The following PSMA2 variants were observed in gnomAD, a reference collection of about 807,000 sequenced individuals.
PSMA2 encodes proteasome 20S subunit alpha 2, also known as proteasome subunit alpha type-2.
Under a neutral mutation model 35.9 loss-of-function variants are expected in PSMA2, and 2 were observed. That is an observed-to-expected ratio of 0.06 (90% CI 0.02 to 0.18). The LOEUF is 0.18. Ranked by LOEUF, PSMA2 falls within the 10% of genes least tolerant of loss-of-function variation. The pLI, the probability that PSMA2 is intolerant of heterozygous loss-of-function variation, is 1.00. For missense variants in PSMA2, 126 were observed against 278.8 expected (o/e 0.45, Z 3.90); for synonymous variants, 97 against 98.2 (o/e 0.99, Z 0.07).
intron 5 of PSMA2, among the ~76,000 whole-genome samples, 198 bp downstream of exon 5, chr7:42,923,127 A>G (rs1430120793): frequency 6.6e-6 from 1 of 151,540 alleles, no homozygotes; most frequent in Admixed American, 6.6e-5. Context: ...GGGTAGAACT[A>G]ATACAGCTTC....
chr7:42,930,953 A>C (rs189508589), intron 1 of PSMA2: 21 of 266,534 alleles, frequency 7.9e-5, no homozygotes, highest in Non-Finnish European at 1.5e-4. Context: ...AAGGTTACAA[A>C]AAAACTATTA....
intron 6 of PSMA2, chr7:42,919,044 G>A (rs373177846): frequency 1.9e-5 from 5 of 267,220 alleles, no homozygotes; most frequent in African/African-American, 1.1e-4. Context: ...AGCTGGTCTC[G>A]AACTTCTGAC....
intron 2 of PSMA2, 105 bp from the exon 3 acceptor site, chr7:42,926,773 A>G: frequency 7.8e-7 from 1 of 1,274,496 alleles, no homozygotes; most frequent in Non-Finnish European, 1.0e-6. Flanking sequence ...ATTTCCTTTA[A>G]TTTATAAAAC....
chr7:42,919,705 C>T, intron 6 of PSMA2: 1 of 566,440 alleles, frequency 1.8e-6, no homozygotes, highest in South Asian at 1.7e-5. Flanking sequence ...TAAATCCTTT[C>T]AAGCTCCTGC....
chr7:42,917,739 G>C (rs376487631), intron 7 of PSMA2, 39 bp downstream of exon 7: 58 of 1,609,724 alleles, frequency 3.6e-5, no homozygotes, highest in Middle Eastern at 3.3e-4. Context: ...AGTTAATCAT[G>C]AAATCATTAT....
chr7:42,917,742 A>G (rs1786054555), intron 7 of PSMA2, 36 bp downstream of exon 7: 1 of 1,610,446 alleles, frequency 6.2e-7, no homozygotes, highest in Middle Eastern at 1.7e-4. Flanking sequence ...TAATCATGAA[A>G]TCATTATAAA....
chr7:42,917,797 G>A lies in PSMA2; in HGVS notation c.569C>T (p.Thr190Ile), dbSNP rs766500954. The A allele has an allele frequency of 3.7e-6, 6 of 1,609,426 alleles. No homozygotes were observed. The highest frequency in any genetic ancestry group is 5.1e-6 in the Non-Finnish European group (6 of 1,176,946). Residue 190 changes from threonine to isoleucine, a missense_variant, in exon 7 of 8, where the codon ACA becomes ATA. By Grantham distance (89) the Thr-to-Ile change is moderately conservative. Transcript: ENST00000223321. ...GCTAACCTTTAGGGTTAAGATGGCTGTATGAATGGCATCTTCAAGTTCCAG... is the reference window on the plus strand; with the variant it reads ...GCTAACCTTTAGGGTTAAGATGGCTATATGAATGGCATCTTCAAGTTCCAG... ...EDLELEDAIH[T>I]AILTLKESFE...
In PSMA2 at chr7:42,916,944, C is replaced by T. The variant is rs571265393; in HGVS notation, c.*630G>A. ...AAAAGTCTAACAAAATCTAAGAACC[C>T]GGGTTCCTTTAAACATGTTTACCTA... is the stretch of plus-strand genomic sequence containing the variant. On this transcript the variant is annotated 3_prime_UTR_variant, in exon 8 of 8. Coordinates refer to ENST00000223321, the MANE Select transcript of PSMA2 (RefSeq NM_002787.5). 1.2e-4 allele frequency: 19 copies of T among 152,268 alleles called. No homozygotes were observed. Among genetic ancestry groups the T allele is most frequent in the South Asian group, 4.1e-4 (2 of 4,826 alleles). The allele number at this position is 152,268 out of a possible 1,614,324, so 9.4% of individuals were successfully genotyped here.
intron 4 of PSMA2, 43 bp downstream of exon 4, chr7:42,924,632 C>T (rs761684191): frequency 6.3e-7 from 1 of 1,579,284 alleles, no homozygotes. Context: ...AATAACTTCC[C>T]CCTACAATTC....
chr7:42,930,621 T>G (rs564117408), intron 1 of PSMA2, among the ~76,000 whole-genome samples: 1 of 152,248 alleles, frequency 6.6e-6, no homozygotes, highest in South Asian at 2.1e-4. Context: ...GGTTGTTTTA[T>G]GTTTTCAGCT....
At chr7:42,920,206 A>G (rs1420654164) in intron 6 of PSMA2, 2 of 302,628 alleles carry the variant, frequency 6.6e-6, no homozygotes, top group African/African-American at 2.2e-5. Context: ...ATAAATAATG[A>G]GGAATATGAA....
intron 6 of PSMA2, chr7:42,918,888 A>G (rs772381370): frequency 1.1e-5 from 2 of 185,580 alleles, no homozygotes; most frequent in Non-Finnish European, 2.2e-5. Context: ...CAGTGGTGCA[A>G]TCTTGGCTCA....
At chr7:42,921,705 A>C (rs1786131659) in intron 6 of PSMA2, 153 bp downstream of exon 6, 1 of 462,730 alleles carries the variant, frequency 2.2e-6, no homozygotes, top group Admixed American at 3.8e-5. Context: ...AGGAAACTAG[A>C]AGGGAGAGAA....
intron 3 of PSMA2, 77 bp downstream of exon 3, chr7:42,926,459 C>A: frequency 7.0e-7 from 1 of 1,419,718 alleles, no homozygotes; most frequent in Non-Finnish European, 9.3e-7. Flanking sequence ...GGAAAACAAC[C>A]TTGGTTTTTC....
At chr7:42,931,442 G>T (rs1436394457) in intron 1 of PSMA2, among the ~76,000 whole-genome samples, 1 of 152,108 alleles carries the variant, frequency 6.6e-6, no homozygotes, top group Non-Finnish European at 1.5e-5. Flanking sequence ...TTCTACAATA[G>T]AAAAACCTAC....
chr7:42,929,926 C>CAAA (rs2128675003), intron 1 of PSMA2, among the ~76,000 whole-genome samples: 1 of 152,302 alleles, frequency 6.6e-6, no homozygotes, highest in African/African-American at 2.4e-5. Flanking sequence ...CTTCCAGTCT[C>CAAA]AAAAATCACC....
At chr7:42,921,756 T>C (rs1786132534) in intron 6 of PSMA2, 102 bp downstream of exon 6, 17 of 906,368 alleles carry the variant, frequency 1.9e-5, no homozygotes, top group Admixed American at 4.5e-5. Context: ...TACAGAGTAA[T>C]ATAGCAAGTT....
rs918371596 is a variant in PSMA2, at chr7:42,923,597, T to C, written c.375-191A>G. Among the ~76,000 whole-genome samples the C allele has an allele frequency of 1.2e-4, 19 of 152,346 alleles. No homozygotes were observed. The East Asian group carries it at 3.3e-3, about 26-fold the overall frequency. On this transcript the variant is annotated intron_variant, in intron 4 of 7. Transcript: ENST00000223321. Reference sequence around the variant, plus strand: ...TAATTCTCTTTATGGTAGTGAGGAATGGTAGCCAAATAAAAAAAAATTTGA... The same window carrying C: ...TAATTCTCTTTATGGTAGTGAGGAACGGTAGCCAAATAAAAAAAAATTTGA...
chr7:42,919,173 G>A, intron 6 of PSMA2: 1 of 570,888 alleles, frequency 1.8e-6, no homozygotes, highest in South Asian at 1.6e-5. Flanking sequence ...GCAAACCTAT[G>A]CTATGCCAGG....
Sources: gnomAD v4.1 joint callset for allele counts (sites outside exome capture counted in the v4.1 genomes callset) on GRCh38, gnomAD v4.1.1 for gene constraint, MANE v1.5 for transcripts, NCBI Gene and HGNC (gene_info 2026-07-23, HGNC 2026-07-21) for gene names.